Variants in MORC1 observed in about 807,000 individuals in gnomAD.
MORC1 encodes the protein MORC family CW-type zinc finger 1.
MORC1 carries 59 observed loss-of-function variants against 134.9 expected under a neutral mutation model. The observed-to-expected ratio is 0.44, with a 90% CI of 0.35 to 0.54. The LOEUF (loss-of-function observed/expected upper bound fraction) is 0.54. Among genes scored for constraint, MORC1 ranks in the 20% least tolerant of loss-of-function variants. MORC1 has a pLI of 0.00. For missense variants in MORC1, 947 were observed against 1,134.5 expected (o/e 0.83, Z 2.37); for synonymous variants, 395 against 391.7 (o/e 1.01, Z -0.10).
chr3:108,997,829 T>C (rs931823033), intron 21 of MORC1, among the ~76,000 whole-genome samples: 1 of 151,820 alleles, frequency 6.6e-6, no homozygotes, highest in African/African-American at 2.4e-5. Context: ...GCCTGAAACA[T>C]GGAACAGAGA....
chr3:109,083,043 G>A (rs1950551050), intron 8 of MORC1, among the ~76,000 whole-genome samples: 1 of 151,912 alleles, frequency 6.6e-6, no homozygotes, highest in Non-Finnish European at 1.5e-5. Flanking sequence ...GAGGAAAGAA[G>A]CAAGTAACAC....
chr3:109,091,446 A>ATAAATAAAT (rs1553762145), intron 8 of MORC1, among the ~76,000 whole-genome samples: 6 of 147,042 alleles, frequency 4.1e-5, no homozygotes, highest in Admixed American at 1.4e-4. Flanking sequence ...TCCATCTAAA[A>ATAAATAAAT]AAATAAATAA....
At chr3:108,997,421 G>A (rs1365827293) in intron 21 of MORC1, among the ~76,000 whole-genome samples, 2 of 152,050 alleles carry the variant, frequency 1.3e-5, no homozygotes, top group South Asian at 2.1e-4. Context: ...CCAGCTACTC[G>A]GGAGGCTGAG....
chr3:109,027,635 G>C, intron 17 of MORC1, 116 bp downstream of exon 17: 1 of 1,359,918 alleles, frequency 7.4e-7, no homozygotes, highest in Non-Finnish European at 1.0e-6. Flanking sequence ...TGTCAAAAAG[G>C]ACAGGAAAAA....
intron 8 of MORC1, among the ~76,000 whole-genome samples, chr3:109,092,125 A>G (rs1222488388): frequency 6.6e-6 from 1 of 152,212 alleles, no homozygotes; most frequent in Non-Finnish European, 1.5e-5. Context: ...AGGGGAAGAT[A>G]GTAATAGAGA....
chr3:109,015,580 T>C (rs149945940), intron 17 of MORC1, among the ~76,000 whole-genome samples: 210 of 152,346 alleles, frequency 1.4e-3, no homozygotes, highest in African/African-American at 3.7e-3. Context: ...TTAAAACTTA[T>C]CTACCTCTGA....
At chr3:109,095,203 A>C in intron 6 of MORC1, 135 bp from the exon 7 acceptor site, 1 of 759,064 alleles carries the variant, frequency 1.3e-6, no homozygotes, top group Non-Finnish European at 2.1e-6. Context: ...TCCTCCTATA[A>C]TCTAGTTGTA....
At chr3:108,995,446 T>C (rs910636384) in intron 21 of MORC1, among the ~76,000 whole-genome samples, 2 of 152,348 alleles carry the variant, frequency 1.3e-5, no homozygotes, top group East Asian at 3.9e-4. Context: ...GACATGTGTT[T>C]TGAGCATGGA....
intron 1 of MORC1, among the ~76,000 whole-genome samples, chr3:109,115,272 C>T (rs2107811681): frequency 6.6e-6 from 1 of 152,038 alleles, no homozygotes; most frequent in Admixed American, 6.5e-5. Context: ...CAAGAGAAAG[C>T]ATCATCTGCA....
At chr3:109,113,205 A>C (rs1468503489) in intron 2 of MORC1, among the ~76,000 whole-genome samples, 4 of 152,190 alleles carry the variant, frequency 2.6e-5, no homozygotes, top group Admixed American at 2.6e-4. Context: ...TCCTTTAGGG[A>C]AGCTAATCAA....
At chr3:109,049,511 T>C (rs1211148311) in intron 14 of MORC1, among the ~76,000 whole-genome samples, 2 of 152,096 alleles carry the variant, frequency 1.3e-5, no homozygotes, top group Non-Finnish European at 2.9e-5. Flanking sequence ...TCTGGGAATA[T>C]AACACATTAG....
At chr3:109,056,939 G>A (rs193143590) in intron 13 of MORC1, among the ~76,000 whole-genome samples, 2 of 152,290 alleles carry the variant, frequency 1.3e-5, no homozygotes, top group East Asian at 1.9e-4. Context: ...TGATCATGAA[G>A]CTAACTGGCA....
At chr3:109,017,917 C>A (rs1218321317) in intron 17 of MORC1, among the ~76,000 whole-genome samples, 1 of 152,200 alleles carries the variant, frequency 6.6e-6, no homozygotes. Flanking sequence ...CACACTGAAT[C>A]AGTGAGAGCT....
At chr3:109,116,793 C>T (rs1951284474) in intron 1 of MORC1, among the ~76,000 whole-genome samples, 1 of 152,120 alleles carries the variant, frequency 6.6e-6, no homozygotes, top group Non-Finnish European at 1.5e-5. Flanking sequence ...ATCCAACCAA[C>T]CAATCTAGCT....
intron 17 of MORC1, among the ~76,000 whole-genome samples, chr3:109,024,083 G>A (rs1377403609): frequency 6.6e-6 from 1 of 152,218 alleles, no homozygotes; most frequent in Non-Finnish European, 1.5e-5. Context: ...ACAGGTGACA[G>A]ATCTTGAATT....
Position 109,095,043 on chromosome 3 carries a change from A to G in MORC1, c.449T>C (p.Leu150Ser), listed in dbSNP as rs765812626. The stretch of plus-strand genomic sequence containing the variant: ...TGTGACAGATTCTCTGGTTCTTATT[A>G]ACCATGAGGGCATTGGAACTACAAC... ...SEVVVPMPSW[L>S]IRTRESVTDD... The change falls in exon 7 of 28, where the codon TTA becomes TCA. Residue 150 changes from leucine to serine, a missense_variant. By Grantham distance (145) the Leu-to-Ser change is moderately radical. Transcript: ENST00000232603. 6.3e-7 allele frequency: 1 copy of G among 1,589,774 alleles called. No homozygotes were observed. Among genetic ancestry groups the G allele is most frequent in the Non-Finnish European group, 8.5e-7 (1 of 1,173,118 alleles).
chr3:109,077,154 C>G (rs1388999246), intron 8 of MORC1, among the ~76,000 whole-genome samples: 1 of 151,960 alleles, frequency 6.6e-6, no homozygotes, highest in African/African-American at 2.4e-5. Flanking sequence ...TTTCTATAAC[C>G]ATTTAAACAA....
At chr3:109,055,372 A>G (rs1468042564) in intron 13 of MORC1, among the ~76,000 whole-genome samples, 1 of 152,210 alleles carries the variant, frequency 6.6e-6, no homozygotes, top group Non-Finnish European at 1.5e-5. Context: ...TGAGGATCTC[A>G]CTGGAAATCT....
intron 21 of MORC1, among the ~76,000 whole-genome samples, chr3:108,995,381 T>C (rs1330693908): frequency 6.6e-6 from 1 of 152,194 alleles, no homozygotes; most frequent in East Asian, 1.9e-4. Context: ...GGTTTGGAAA[T>C]GCCTGAGACA....
Sources: allele counts gnomAD v4.1 joint callset (sites outside exome capture counted in the v4.1 genomes callset), GRCh38; gene constraint gnomAD v4.1.1; transcripts MANE v1.5; gene names NCBI Gene and HGNC (gene_info 2026-07-23, HGNC 2026-07-21).